The following MRPL48 variants were observed in gnomAD, a reference collection of about 807,000 sequenced individuals.
MRPL48 encodes the protein mitochondrial ribosomal protein L48.
In MRPL48, 16 loss-of-function variants were observed where a neutral mutation model predicts 32.9. The ratio of observed to expected loss-of-function variants is 0.49; its 90% confidence interval spans 0.33 to 0.74. The LOEUF is 0.74. Ranked by LOEUF, MRPL48 falls within the 30% of genes least tolerant of loss-of-function variation. The pLI is 0.02. For synonymous variants in MRPL48, 94 were observed against 89.2 expected (o/e 1.05, Z -0.31); for missense variants, 206 against 245.3 (o/e 0.84, Z 1.07).
intron 5 of MRPL48, among the ~76,000 whole-genome samples, chr11:73,850,134 A>C (rs1452385064): frequency 6.6e-6 from 1 of 152,014 alleles, no homozygotes; most frequent in Non-Finnish European, 1.5e-5. Context: ...AGCTTAGGTA[A>C]TCTGTCACTG....
intron 4 of MRPL48, among the ~76,000 whole-genome samples, chr11:73,830,579 A>G (rs1159761936): frequency 6.6e-6 from 1 of 152,176 alleles, no homozygotes; most frequent in Middle Eastern, 3.2e-3. Context: ...AAGCCTAGAA[A>G]AAAAATAAGT....
chr11:73,827,212 C>T (rs756671490), intron 4 of MRPL48, among the ~76,000 whole-genome samples: 3 of 151,816 alleles, frequency 2.0e-5, no homozygotes, highest in Non-Finnish European at 2.9e-5. Flanking sequence ...GCAGGAACCC[C>T]GTCTCTACTA....
At chr11:73,799,875 A>AT (rs35515532) in intron 1 of MRPL48, among the ~76,000 whole-genome samples, 1 of 152,268 alleles carries the variant, frequency 6.6e-6, no homozygotes, top group East Asian at 1.9e-4. Flanking sequence ...AAATGGTAGG[A>AT]TTTTTGAATG....
chr11:73,788,073 G>T, intron 1 of MRPL48, 81 bp downstream of exon 1: 1 of 1,571,432 alleles, frequency 6.4e-7, no homozygotes, highest in Non-Finnish European at 8.7e-7. Flanking sequence ...GTGCAGAGCG[G>T]GGAGGTGGCG....
intron 4 of MRPL48, among the ~76,000 whole-genome samples, chr11:73,840,541 C>T (rs1297498944): frequency 2.0e-5 from 3 of 152,066 alleles, no homozygotes; most frequent in Non-Finnish European, 4.4e-5. Flanking sequence ...GCTCTGTCAC[C>T]CAGGCTAGAG....
intron 5 of MRPL48, among the ~76,000 whole-genome samples, chr11:73,850,163 T>C (rs1399497093): frequency 1.3e-5 from 2 of 151,370 alleles, no homozygotes; most frequent in African/African-American, 2.4e-5. Flanking sequence ...TAGTACATGA[T>C]ATAGTATGTG....
chr11:73,850,561 C>T, intron 5 of MRPL48: 1 of 375,402 alleles, frequency 2.7e-6, no homozygotes. Context: ...GTTCTGACTG[C>T]ATCCATTTCA....
At chr11:73,817,141 T>C (rs569620221) in intron 3 of MRPL48, among the ~76,000 whole-genome samples, 20 of 152,298 alleles carry the variant, frequency 1.3e-4, no homozygotes, top group African/African-American at 3.9e-4. Flanking sequence ...CTGTTTATTT[T>C]GTTTTTGAAG....
At chr11:73,795,336 T>C (rs1947235660) in intron 1 of MRPL48, among the ~76,000 whole-genome samples, 1 of 152,008 alleles carries the variant, frequency 6.6e-6, no homozygotes, top group Admixed American at 6.6e-5. Context: ...GTGCTGGGAT[T>C]ACAGGCGTGA....
At chr11:73,856,090 A>T (rs941256171) in intron 5 of MRPL48, among the ~76,000 whole-genome samples, 1 of 152,190 alleles carries the variant, frequency 6.6e-6, no homozygotes, top group African/African-American at 2.4e-5. Context: ...TTTGGATTGA[A>T]TTCTAACAGG....
At chr11:73,794,005 C>T (rs1298687805) in intron 1 of MRPL48, among the ~76,000 whole-genome samples, 1 of 151,644 alleles carries the variant, frequency 6.6e-6, no homozygotes, top group Non-Finnish European at 1.5e-5. Context: ...CCACGCCCGG[C>T]CTGAAACCTT....
chr11:73,808,936 A>T (rs1307680437), intron 3 of MRPL48, among the ~76,000 whole-genome samples: 1 of 124,664 alleles, frequency 8.0e-6, no homozygotes, highest in East Asian at 2.5e-4. Context: ...AAAAAAAAAA[A>T]ATAATGAGAA....
chr11:73,846,802 A>G (rs1948300208), intron 5 of MRPL48, among the ~76,000 whole-genome samples: 1 of 151,686 alleles, frequency 6.6e-6, no homozygotes, highest in Non-Finnish European at 1.5e-5. Flanking sequence ...TCCTAGGCTC[A>G]AGCGATCCTC....
rs1354333132 is a variant in MRPL48 at position 73,850,852 on chromosome 11, AT to A, written c.371+5881del. 5 of 230,806 alleles carry A rather than the reference AT, an allele frequency of 2.2e-5. No homozygotes were observed. The East Asian group carries it at 5.1e-4, about 23-fold the overall frequency. The allele number at this position is 230,806 out of a possible 1,614,324, so 14.3% of individuals were successfully genotyped here. A position where few individuals can be genotyped will look rare whatever the true frequency, so the allele number is the denominator to read the frequency against. Reference sequence around the variant, plus strand: ...CCACAACGCCTGGCTAATTTTTTGTATTTTTGGTAGAGACGGGGTTTCACCA... The same window carrying A: ...CCACAACGCCTGGCTAATTTTTTGTATTTTGGTAGAGACGGGGTTTCACCA... On this transcript the variant is annotated intron_variant, in intron 5 of 7. Transcript: ENST00000310614.
intron 3 of MRPL48, among the ~76,000 whole-genome samples, chr11:73,815,057 G>A (rs1324124270): frequency 1.3e-5 from 2 of 152,028 alleles, no homozygotes; most frequent in Non-Finnish European, 2.9e-5. Flanking sequence ...TATAAGTGGA[G>A]CATGAATATA....
At chr11:73,797,166 A>C (rs1393411110) in intron 1 of MRPL48, among the ~76,000 whole-genome samples, 2 of 152,116 alleles carry the variant, frequency 1.3e-5, no homozygotes, top group African/African-American at 4.8e-5. Flanking sequence ...CTCTGCTGAG[A>C]GCTGGGAAGA....
intron 5 of MRPL48, chr11:73,850,866 C>T (rs1020479791): frequency 3.0e-5 from 7 of 236,730 alleles, no homozygotes; most frequent in African/African-American, 7.0e-5. Flanking sequence ...TTGGTAGAGA[C>T]GGGGTTTCAC....
chr11:73,798,222 C>A (rs545604812), intron 1 of MRPL48, among the ~76,000 whole-genome samples: 2 of 151,998 alleles, frequency 1.3e-5, no homozygotes, highest in African/African-American at 4.8e-5. Flanking sequence ...GGATTACAGG[C>A]GCCCACCACT....
chr11:73,863,945 A>T (rs1948626852), intron 7 of MRPL48, among the ~76,000 whole-genome samples: 2 of 152,174 alleles, frequency 1.3e-5, no homozygotes, highest in African/African-American at 4.8e-5. Flanking sequence ...ATGCTGCCTT[A>T]AAACAGTCCA....
Sources: gnomAD v4.1 joint callset for allele counts (sites outside exome capture counted in the v4.1 genomes callset) on GRCh38, gnomAD v4.1.1 for gene constraint, MANE v1.5 for transcripts, NCBI Gene and HGNC (gene_info 2026-07-23, HGNC 2026-07-21) for gene names.